Variants in NAV3 observed in about 807,000 individuals in gnomAD.
The protein encoded by NAV3 is pore membrane and/or filament interacting like protein 1.
NAV3 carries 87 observed loss-of-function variants against 244.7 expected under a neutral mutation model. The ratio of observed to expected loss-of-function variants is 0.36; its 90% CI spans 0.30 to 0.42. The LOEUF is 0.42. NAV3 is among the 20% of genes least tolerant of loss of function. The pLI is 1.00. For missense variants in NAV3, 2,663 were observed against 2,893.3 expected (o/e 0.92, Z 1.83); for synonymous variants, 1,126 against 1,042.2 (o/e 1.08, Z -1.55).
At chr12:78,086,902 A>G (rs1481532809) in intron 12 of NAV3, among the ~76,000 whole-genome samples, 1 of 151,988 alleles carries the variant, frequency 6.6e-6, no homozygotes, top group Admixed American at 6.6e-5. Flanking sequence ...TGAAGAAGAC[A>G]CCCTATATGA....
intron 12 of NAV3, among the ~76,000 whole-genome samples, chr12:78,111,803 T>C (rs1258082057): frequency 6.6e-6 from 1 of 152,192 alleles, no homozygotes. Flanking sequence ...GAGCTTTACT[T>C]TAGACAGTGG....
intron 9 of NAV3, among the ~76,000 whole-genome samples, chr12:78,029,332 A>G (rs1174877754): frequency 6.6e-6 from 1 of 152,174 alleles, no homozygotes; most frequent in Non-Finnish European, 1.5e-5. Flanking sequence ...GGTGACTGTG[A>G]TAATAGCAAT....
At chr12:77,969,361 A>C (rs538444919) in intron 5 of NAV3, among the ~76,000 whole-genome samples, 1 of 152,250 alleles carries the variant, frequency 6.6e-6, no homozygotes, top group African/African-American at 2.4e-5. Flanking sequence ...GAGTCAAGCA[A>C]GTAAATGATA....
chr12:77,656,663 C>G (rs1372335995), intron 2 of NAV3, among the ~76,000 whole-genome samples: 1 of 140,402 alleles, frequency 7.1e-6, no homozygotes, highest in African/African-American at 2.9e-5. Context: ...ACATTTTTTT[C>G]AGCACCCCAC....
At chr12:77,588,290 T>C (rs894959350) in intron 2 of NAV3, among the ~76,000 whole-genome samples, 6 of 150,590 alleles carry the variant, frequency 4.0e-5, no homozygotes, top group African/African-American at 1.5e-4. Flanking sequence ...ATTTTTTTAT[T>C]TTTTTTTTGG....
chr12:78,140,368 T>G (rs1170440283), intron 20 of NAV3, 34 bp downstream of exon 20: 1 of 1,546,466 alleles, frequency 6.5e-7, no homozygotes. Flanking sequence ...AGCTTGTGCT[T>G]TTGCCATGCA....
At chr12:78,019,334 A>G (rs570493940) in intron 8 of NAV3, among the ~76,000 whole-genome samples, 2 of 152,248 alleles carry the variant, frequency 1.3e-5, no homozygotes, top group East Asian at 3.9e-4. Flanking sequence ...TTATTTATTC[A>G]TATATTTATA....
chr12:78,120,194 C>T (rs934160355), intron 15 of NAV3, among the ~76,000 whole-genome samples: 1 of 90,258 alleles, frequency 1.1e-5, no homozygotes, highest in Non-Finnish European at 2.4e-5. Flanking sequence ...ACTAGCAACA[C>T]AAACAACATC....
intron 2 of NAV3, among the ~76,000 whole-genome samples, chr12:77,663,901 T>A (rs1873594139): frequency 6.6e-6 from 1 of 152,226 alleles, no homozygotes; most frequent in South Asian, 2.1e-4. Context: ...TGTAGATATA[T>A]ATGTGTACAT....
At chr12:77,851,565 G>A (rs1383319120) in intron 1 of NAV3, among the ~76,000 whole-genome samples, 2 of 152,040 alleles carry the variant, frequency 1.3e-5, no homozygotes, top group Non-Finnish European at 2.9e-5. Context: ...TCAATTATTT[G>A]TTACAGACTG....
chr12:77,821,569 A>G (rs989454376), intron 2 of NAV3, among the ~76,000 whole-genome samples: 3 of 152,168 alleles, frequency 2.0e-5, no homozygotes, highest in Admixed American at 6.6e-5. Context: ...ACAAGTTACA[A>G]CCATTGCAAA....
chr12:78,198,280 C>A (rs1447252704), intron 35 of NAV3, among the ~76,000 whole-genome samples: 1 of 151,766 alleles, frequency 6.6e-6, no homozygotes, highest in Admixed American at 6.6e-5. Context: ...TAAATTTTAT[C>A]ATAAGCATTA....
intron 23 of NAV3, among the ~76,000 whole-genome samples, chr12:78,163,905 C>T (rs1289904539): frequency 1.3e-5 from 2 of 151,996 alleles, no homozygotes. Context: ...CCTGAGGCAT[C>T]CATTATATGT....
At chr12:78,037,056 C>A (rs1362544470) in intron 9 of NAV3, 1 of 702,926 alleles carries the variant, frequency 1.4e-6, no homozygotes. Flanking sequence ...CTATGCAGAG[C>A]GGCGCTCACT....
chr12:77,660,686 A>G (rs916259314), intron 2 of NAV3, among the ~76,000 whole-genome samples: 4 of 152,132 alleles, frequency 2.6e-5, no homozygotes, highest in African/African-American at 7.2e-5. Context: ...TATGTATACC[A>G]TTACTTTAGT....
At chr12:78,152,682 G>A (rs1957121769) in intron 22 of NAV3, among the ~76,000 whole-genome samples, 3 of 151,876 alleles carry the variant, frequency 2.0e-5, no homozygotes, top group Non-Finnish European at 4.4e-5. Context: ...GTTAATGTAT[G>A]TAATATACAC....
chr12:77,987,148 T>A (rs564718079), intron 5 of NAV3, among the ~76,000 whole-genome samples: 2 of 152,324 alleles, frequency 1.3e-5, no homozygotes, highest in South Asian at 4.1e-4. Flanking sequence ...TTAGATTTGT[T>A]TGATACTTGA....
At chr12:77,863,321 TC>T (rs1006393535) in intron 1 of NAV3, among the ~76,000 whole-genome samples, 10 of 151,948 alleles carry the variant, frequency 6.6e-5, no homozygotes, top group African/African-American at 2.4e-4. Flanking sequence ...TTGTAGAAGT[TC>T]AAGTCCCTTC....
intron 2 of NAV3, among the ~76,000 whole-genome samples, chr12:77,799,640 A>G (rs1010377447): frequency 2.0e-5 from 3 of 152,164 alleles, no homozygotes; most frequent in African/African-American, 7.2e-5. Context: ...TTCCTGCCAT[A>G]GCCCTTTTAT....
Sources: allele counts gnomAD v4.1 joint callset (sites outside exome capture counted in the v4.1 genomes callset), GRCh38; gene constraint gnomAD v4.1.1; transcripts MANE v1.5; gene names NCBI Gene and HGNC (gene_info 2026-07-23, HGNC 2026-07-21).